The following ITSN1 variants were observed in gnomAD, a reference collection of about 807,000 sequenced individuals.
ITSN1 encodes intersectin 1, also known as intersectin-1.
A neutral mutation model predicts 239.8 loss-of-function variants in ITSN1; 58 were observed. That is an observed-to-expected ratio of 0.24 (90% CI 0.20 to 0.30). The LOEUF is 0.30. Among genes scored for constraint, ITSN1 ranks in the 10% least tolerant of loss-of-function variants. ITSN1 has a pLI of 1.00. For missense variants in ITSN1, 1,558 were observed against 2,103.3 expected (o/e 0.74, Z 5.07); for synonymous variants, 780 against 770.8 (o/e 1.01, Z -0.20).
At position 33,747,119 on chromosome 21, in the gene ITSN1, A is replaced by G. The variant is rs868494339; in HGVS notation, c.347-3024A>G. Among the ~76,000 whole-genome samples the G allele has an allele frequency of 9.1e-4, 138 of 152,342 alleles. 2 individuals are homozygous for G. Among genetic ancestry groups the G allele is most frequent in the African/African-American group, 3.1e-3 (127 of 41,576 alleles). Reference sequence around the variant, plus strand: ...CAGTGAGCCAAGACCACGCCACTGCACTCCAGCCTGGGCAACAGAGTGAGG... The same window carrying G: ...CAGTGAGCCAAGACCACGCCACTGCGCTCCAGCCTGGGCAACAGAGTGAGG... On this transcript the variant is annotated intron_variant, in intron 5 of 39. Transcript: ENST00000381318.
At chr21:33,840,405 C>T (rs1488137885) in intron 29 of ITSN1, among the ~76,000 whole-genome samples, 1 of 151,976 alleles carries the variant, frequency 6.6e-6, no homozygotes, top group Non-Finnish European at 1.5e-5. Flanking sequence ...ACTCTGTCAC[C>T]CAGGCTGGAG....
At chr21:33,835,498 G>C (rs2074549323) in intron 28 of ITSN1, among the ~76,000 whole-genome samples, 1 of 152,192 alleles carries the variant, frequency 6.6e-6, no homozygotes, top group Non-Finnish European at 1.5e-5. Context: ...TGAAGTAGAA[G>C]TGCCAAAGAA....
chr21:33,647,940 A>G (rs944246832), intron 1 of ITSN1, among the ~76,000 whole-genome samples: 13 of 152,344 alleles, frequency 8.5e-5, no homozygotes, highest in African/African-American at 3.1e-4. Context: ...ATTAGGATAA[A>G]TTTCTACAAA....
chr21:33,760,118 A>G (rs905931232), intron 8 of ITSN1, among the ~76,000 whole-genome samples: 14 of 151,968 alleles, frequency 9.2e-5, no homozygotes, highest in Non-Finnish European at 2.1e-4. Flanking sequence ...AAAAAAAAAA[A>G]AGAAAAGAAA....
chr21:33,832,528 G>A (rs1013105558), intron 27 of ITSN1, among the ~76,000 whole-genome samples: 5 of 152,142 alleles, frequency 3.3e-5, no homozygotes, highest in South Asian at 2.1e-4. Context: ...AGCTCCTGGC[G>A]CTGTCACCAG....
chr21:33,704,134 C>A (rs994760493), intron 1 of ITSN1, among the ~76,000 whole-genome samples: 1 of 152,116 alleles, frequency 6.6e-6, no homozygotes, highest in African/African-American at 2.4e-5. Context: ...CTGCTCTAGG[C>A]TTTCTGTTAG....
At chr21:33,739,199 G>C (rs957182204) in intron 5 of ITSN1, among the ~76,000 whole-genome samples, 1 of 152,164 alleles carries the variant, frequency 6.6e-6, no homozygotes, top group African/African-American at 2.4e-5. Context: ...AGAGAAAAAT[G>C]GGGTGCAGTG....
At chr21:33,834,561 C>T (rs73900373) in intron 28 of ITSN1, 137 bp downstream of exon 28, 224 of 671,778 alleles carry the variant, frequency 3.3e-4, no homozygotes, top group African/African-American at 3.2e-3. Context: ...GGGACTGACA[C>T]CCAACTAATG....
chr21:33,878,934 G>A (rs946683841), intron 34 of ITSN1, among the ~76,000 whole-genome samples: 1 of 152,200 alleles, frequency 6.6e-6, no homozygotes, highest in South Asian at 2.1e-4. Context: ...AAGATGTGAG[G>A]GGTAAGGAGG....
chr21:33,837,499 C>A (rs1305761661), intron 29 of ITSN1: 5 of 985,748 alleles, frequency 5.1e-6, no homozygotes, highest in Non-Finnish European at 6.0e-6. Context: ...CCAGTGTTAC[C>A]AACTAAATTG....
At chr21:33,662,724 G>A (rs1376749807) in intron 1 of ITSN1, among the ~76,000 whole-genome samples, 3 of 152,156 alleles carry the variant, frequency 2.0e-5, no homozygotes, top group Non-Finnish European at 2.9e-5. Context: ...GCTTTAGAAG[G>A]ACTTCTGGTA....
intron 1 of ITSN1, among the ~76,000 whole-genome samples, chr21:33,699,876 C>T (rs777676270): frequency 6.6e-6 from 1 of 152,174 alleles, no homozygotes; most frequent in South Asian, 2.1e-4. Context: ...TTTTTCCTGC[C>T]TCAGCCTCCC....
At chr21:33,832,999 T>C in intron 27 of ITSN1, among the ~76,000 whole-genome samples, 1 of 152,104 alleles carries the variant, frequency 6.6e-6, no homozygotes, top group Non-Finnish European at 1.5e-5. Context: ...GAGCCTTGTT[T>C]CTAGACGTGT....
At chr21:33,759,691 C>T (rs2068158079) in intron 8 of ITSN1, among the ~76,000 whole-genome samples, 1 of 152,188 alleles carries the variant, frequency 6.6e-6, no homozygotes, top group African/African-American at 2.4e-5. Context: ...AAAACACACA[C>T]GTGCTCATGT....
chr21:33,747,720 A>G (rs71326963), intron 5 of ITSN1, among the ~76,000 whole-genome samples: 1,802 of 152,370 alleles, frequency 0.012, 16 homozygotes, highest in Admixed American at 0.019. Context: ...CCAAAATTCT[A>G]TATTCAGCAA....
intron 1 of ITSN1, among the ~76,000 whole-genome samples, chr21:33,709,506 T>G (rs2092350676): frequency 6.6e-6 from 1 of 152,162 alleles, no homozygotes; most frequent in African/African-American, 2.4e-5. Flanking sequence ...GGTCTCGAAC[T>G]CCTGTCCTCA....
chr21:33,830,587 C>T (rs2074237745), intron 27 of ITSN1, among the ~76,000 whole-genome samples: 2 of 151,666 alleles, frequency 1.3e-5, no homozygotes, highest in South Asian at 2.1e-4. Context: ...CAAAACCTGT[C>T]GAAAGGGGGC....
At chr21:33,877,994 C>T (rs1217863394) in intron 34 of ITSN1, among the ~76,000 whole-genome samples, 1 of 141,050 alleles carries the variant, frequency 7.1e-6, no homozygotes, top group Non-Finnish European at 1.5e-5. Flanking sequence ...CTCTCTTTCT[C>T]TTTCTCTCTC....
intron 5 of ITSN1, among the ~76,000 whole-genome samples, chr21:33,743,240 C>T (rs910307955): frequency 1.3e-5 from 2 of 152,164 alleles, no homozygotes; most frequent in Admixed American, 6.5e-5. Flanking sequence ...CCGAGGTGAG[C>T]GGATCACCTG....
Sources: gnomAD v4.1 joint callset for allele counts (sites outside exome capture counted in the v4.1 genomes callset) on GRCh38, gnomAD v4.1.1 for gene constraint, MANE v1.5 for transcripts, NCBI Gene and HGNC (gene_info 2026-07-23, HGNC 2026-07-21) for gene names.